Variants in TAF1A observed in about 807,000 individuals in gnomAD.
TAF1A encodes the protein TATA box-binding protein-associated factor RNA polymerase I subunit A.
Under a neutral mutation model 61.6 loss-of-function variants are expected in TAF1A, and 42 were observed. The ratio of observed to expected loss-of-function variants is 0.68; its 90% CI spans 0.53 to 0.88. The LOEUF (loss-of-function observed/expected upper bound fraction) is 0.88, where lower values mean the gene tolerates loss of function less well. Ranked by LOEUF, TAF1A falls within the 40% of genes least tolerant of loss-of-function variation. The pLI, the probability that TAF1A is intolerant of heterozygous loss-of-function variation, is 0.00. For synonymous variants in TAF1A, 179 were observed against 177.7 expected, an observed-to-expected ratio of 1.01 and a Z score of -0.06; for missense variants, 424 against 518.7, an observed-to-expected ratio of 0.82 and a Z score of 1.77.
intron 2 of TAF1A, among the ~76,000 whole-genome samples, chr1:222,586,872 CA>C (rs1661037625): frequency 6.6e-6 from 1 of 152,170 alleles, no homozygotes; most frequent in Non-Finnish European, 1.5e-5. Flanking sequence ...AGCACAATGT[CA>C]ATATTAATTG....
intron 7 of TAF1A, among the ~76,000 whole-genome samples, chr1:222,567,851 C>T (rs1384862140): frequency 6.6e-6 from 1 of 152,092 alleles, no homozygotes. Flanking sequence ...CATATTAAGG[C>T]CACATGAGAT....
At chr1:222,584,060 A>C in intron 3 of TAF1A, 68 bp downstream of exon 3, 2 of 1,526,746 alleles carry the variant, frequency 1.3e-6, no homozygotes, top group Non-Finnish European at 1.8e-6. Context: ...AAGCTACTGT[A>C]GGTGAAGCTG....
chr1:222,579,832 G>A lies in TAF1A; in HGVS notation c.332C>T (p.Pro111Leu), dbSNP rs374979572. Residue 111 changes from proline (P) to leucine (L), a missense_variant, in exon 4 of 11, where the codon CCC (proline) becomes CTC (leucine). By Grantham distance (98) the Pro-to-Leu change is moderately conservative. Coordinates refer to ENST00000352967, the MANE Select transcript of TAF1A (RefSeq NM_005681.4). ...KLGSEILFYH[P>L]KSNMESFNTF... ...ATTGAAACTCTCCATGTTGCTTTTG[G>A]GATGATAAAATAGAATTTCACTTCC... 20 of 1,607,792 alleles carry A rather than the reference G, an allele frequency of 1.2e-5. No individual in the cohort carries two copies. The highest frequency in any genetic ancestry group is 1.7e-5 in the Non-Finnish European group (20 of 1,178,352).
intron 2 of TAF1A, 24 bp downstream of exon 2, chr1:222,588,419 G>T (rs779179686): frequency 3.2e-5 from 51 of 1,607,048 alleles, no homozygotes; most frequent in Non-Finnish European, 8.5e-6. Flanking sequence ...AGTTAAAATG[G>T]CTCAATGTTA....
At chr1:222,566,039 AG>A (rs1390388616) in intron 7 of TAF1A, among the ~76,000 whole-genome samples, 1 of 152,222 alleles carries the variant, frequency 6.6e-6, no homozygotes, top group African/African-American at 2.4e-5. Flanking sequence ...TCATTTCTTT[AG>A]GTTGAAAGGA....
chr1:222,564,885 T>C (rs1483658237), intron 7 of TAF1A, among the ~76,000 whole-genome samples: 3 of 152,214 alleles, frequency 2.0e-5, no homozygotes, highest in African/African-American at 7.2e-5. Flanking sequence ...TCAAGATCAA[T>C]ACACCAATAT....
In TAF1A at chr1:222,558,422, T is replaced by A; in HGVS notation, c.*238A>T. On this transcript the variant is annotated 3_prime_UTR_variant, in exon 11 of 11. Transcript: ENST00000352967. ...TGTAATTAGTTTGTCATTTGAAGAA[T>A]TATTCCTTAACAAATGTAACATTTA... 4.8e-6 allele frequency: 1 copy of A among 206,248 alleles called. No homozygotes were observed. Among genetic ancestry groups the A allele is most frequent in the Admixed American group, 5.8e-5 (1 of 17,388 alleles). 12.8% of individuals were successfully genotyped at this position (206,248 alleles called of 1,614,324 possible).
chr1:222,568,657 G>A (rs924820720), intron 7 of TAF1A, among the ~76,000 whole-genome samples: 8 of 152,142 alleles, frequency 5.3e-5, no homozygotes, highest in African/African-American at 1.7e-4. Context: ...TGTGAATGTC[G>A]ATGGTACAGT....
intron 3 of TAF1A, among the ~76,000 whole-genome samples, chr1:222,583,682 C>T (rs1224914948): frequency 2.9e-4 from 44 of 151,736 alleles, no homozygotes; most frequent in Admixed American, 2.9e-3. Flanking sequence ...TACCAAAATA[C>T]AAAAAATTAG....
intron 7 of TAF1A, chr1:222,569,092 A>C (rs3008642): frequency 0.82 from 215,477 of 262,982 alleles, 89,381 homozygotes; most frequent in Middle Eastern, 0.88. Flanking sequence ...GGGGACAGAC[A>C]GGCTGCAAAG....
rs781068134 is a variant in TAF1A, at chr1:222,563,271, C to T, written c.987G>A (p.Gly329=). 3.7e-6 allele frequency: 6 copies of T among 1,613,022 alleles called. No individual in the cohort carries two copies. The highest frequency in any genetic ancestry group is 1.1e-5 in the South Asian group (1 of 90,954). Residue 329 remains glycine, a synonymous_variant, in exon 9 of 11, where the codon GGG becomes GGA. Transcript: ENST00000352967. ...CTAAGACTCCAAATAATACCTCCAA[C>T]CCCAGTTTACGGTGTTCTTCTTTTT... ...KSEKEEHRKL[G]LEVLFGVLDF... is the part of the protein sequence containing the mutation.
chr1:222,557,837 T>C (rs1659758453), downstream of TAF1A: 1 of 152,164 alleles, frequency 6.6e-6, no homozygotes, highest in East Asian at 1.9e-4. Context: ...AGGAGGTTAT[T>C]TTGCCCCAAA....
chr1:222,587,750 G>T (rs1176938145), intron 2 of TAF1A, among the ~76,000 whole-genome samples: 1 of 152,056 alleles, frequency 6.6e-6, no homozygotes, highest in East Asian at 1.9e-4. Flanking sequence ...TAAAAATGGG[G>T]GAAAATGCTC....
chr1:222,577,198 G>A (rs1203117189), intron 5 of TAF1A, among the ~76,000 whole-genome samples: 1 of 151,882 alleles, frequency 6.6e-6, no homozygotes, highest in Non-Finnish European at 1.5e-5. Flanking sequence ...GTTTATCCTG[G>A]ACTAAATCAC....
At chr1:222,565,006 TGTA>T (rs1489292109) in intron 7 of TAF1A, among the ~76,000 whole-genome samples, 1 of 152,176 alleles carries the variant, frequency 6.6e-6, no homozygotes, top group African/African-American at 2.4e-5. Flanking sequence ...AAATATAACA[TGTA>T]GTAGAAGTGC....
chr1:222,569,750 A>C (rs1660272425), intron 6 of TAF1A, 82 bp from the exon 7 acceptor site: 1 of 1,285,346 alleles, frequency 7.8e-7, no homozygotes, highest in South Asian at 1.6e-5. Flanking sequence ...AAGTTTACTG[A>C]TGGGTATTTT....
intron 5 of TAF1A, among the ~76,000 whole-genome samples, chr1:222,571,947 T>C (rs577708717): frequency 6.6e-6 from 1 of 152,298 alleles, no homozygotes; most frequent in African/African-American, 2.4e-5. Context: ...CCAGGCATGG[T>C]GGCTCACACC....
rs777679205 is a variant in TAF1A, at chr1:222,588,565, C to G, written c.-2G>C. 6.2e-7 allele frequency: 1 copy of G among 1,612,862 alleles called. No homozygotes were observed. The highest frequency in any genetic ancestry group is 1.1e-5 in the South Asian group (1 of 90,712). ...TAATTCTTCACTGAAATCACTCATA[C>G]CTATTACAAGATGAGATATCAGTTA... On this transcript the variant is annotated splice_region_variant and 5_prime_UTR_variant, in exon 2 of 11. Coordinates refer to ENST00000352967, the MANE Select transcript of TAF1A (RefSeq NM_005681.4).
chr1:222,564,081 G>A lies in TAF1A; in HGVS notation c.939C>T (p.Phe313=). 1 of 1,557,716 alleles carries A rather than the reference G, an allele frequency of 6.4e-7. No individual in the cohort carries two copies. Among genetic ancestry groups the A allele is most frequent in the Non-Finnish European group, 8.8e-7 (1 of 1,133,226 alleles). The change falls in exon 8 of 11, where the codon TTC becomes TTT. Residue 313 remains phenylalanine, a synonymous_variant. Transcript: ENST00000352967. ...IVPSHKLMLE[F]HTLLRKSEKE... is the part of the protein sequence containing the mutation. ...TACCTGATTTTCTAAGTAATGTATG[G>A]AATTCCAACATCAATTTATGAGATG... is the stretch of plus-strand genomic sequence containing the variant.
Sources: allele counts gnomAD v4.1 joint callset (sites outside exome capture counted in the v4.1 genomes callset), GRCh38; gene constraint gnomAD v4.1.1; transcripts MANE v1.5; gene names NCBI Gene and HGNC (gene_info 2026-07-23, HGNC 2026-07-21).